Variants in ATOX1 observed in about 807,000 individuals in gnomAD.
The protein encoded by ATOX1 is copper transport protein ATOX1.
ATOX1 carries 4 observed loss-of-function variants against 7.3 expected under a neutral mutation model. The ratio of observed to expected loss-of-function variants is 0.55; its 90% CI spans 0.27 to 1.25. The LOEUF is 1.25. Ranked by LOEUF, ATOX1 falls within the 50% of genes most tolerant of loss-of-function variation. The probability of loss-of-function intolerance (pLI) is 0.12; values close to 1 mark genes in which losing one functional copy is unlikely to be tolerated. For synonymous variants in ATOX1, 25 were observed against 28.7 expected (o/e 0.87, Z 0.41); for missense variants, 68 against 81.6 (o/e 0.83, Z 0.64).
At chr5:151,743,818 A>C (rs1324968938) in intron 3 of ATOX1, 1 of 152,196 alleles carries the variant, frequency 6.6e-6, no homozygotes, top group East Asian at 1.9e-4. Flanking sequence ...CTTTTATCAA[A>C]AAATAACAGG....
chr5:151,746,894 T>G (rs1041636409), intron 2 of ATOX1, among the ~76,000 whole-genome samples: 1 of 151,972 alleles, frequency 6.6e-6, no homozygotes, highest in African/African-American at 2.4e-5. Context: ...CCACCACACC[T>G]GGTTAATTTT....
At chr5:151,755,259 T>C (rs1301026445) in intron 1 of ATOX1, among the ~76,000 whole-genome samples, 3 of 152,224 alleles carry the variant, frequency 2.0e-5, no homozygotes, top group Non-Finnish European at 2.9e-5. Flanking sequence ...CTAAATCTAC[T>C]GATTGTCTAT....
At chr5:151,747,277 A>T (rs1761889490) in intron 2 of ATOX1, among the ~76,000 whole-genome samples, 1 of 151,746 alleles carries the variant, frequency 6.6e-6, no homozygotes, top group Non-Finnish European at 1.5e-5. Context: ...CTCTTTATTT[A>T]TTCATTTTTA....
chr5:151,748,039 C>G (rs1015844558), intron 2 of ATOX1, among the ~76,000 whole-genome samples: 10 of 152,164 alleles, frequency 6.6e-5, no homozygotes, highest in South Asian at 4.1e-4. Context: ...TGTCTTAAAA[C>G]ACTTATAAAA....
intron 2 of ATOX1, among the ~76,000 whole-genome samples, chr5:151,750,815 T>G (rs1007661694): frequency 3.3e-5 from 5 of 151,688 alleles, no homozygotes; most frequent in African/African-American, 1.2e-4. Context: ...GCCTGGCTAA[T>G]TTTTTTGGTA....
At position 151,746,374 on chromosome 5, in the gene ATOX1, G is replaced by A. The variant is rs1429148787; in HGVS notation, c.158C>T (p.Ala53Val). 6.2e-7 allele frequency: 1 copy of A among 1,613,828 alleles called. No homozygotes were observed. Among genetic ancestry groups the A allele is most frequent in the Non-Finnish European group, 8.5e-7 (1 of 1,179,860 alleles). ...AGTCTTTCCTGTTTTCTTCAGGGTT[G>A]CAAGCAGAGTGTCCATGCTGTGCTC... ...ESEHSMDTLL[A>V]TLKKTGKTVS... The change falls in exon 3 of 4, where the codon GCA (alanine) becomes GTA (valine). Residue 53 changes from alanine (A) to valine (V), a missense_variant. Physicochemically the swap from Ala to Val is moderately conservative, Grantham distance 64 (BLOSUM62 0). Transcript: ENST00000313115.
At position 151,746,349 on chromosome 5, in the gene ATOX1, A is replaced by G. The variant is rs750690605; in HGVS notation, c.183T>C (p.Thr61=). The G allele has an allele frequency of 1.2e-5, 20 of 1,613,834 alleles. No individual in the cohort carries two copies. The East Asian group carries it at 4.2e-4, about 34-fold the overall frequency. Residue 61 remains threonine, a synonymous_variant, in exon 3 of 4, where the codon ACT becomes ACC. Coordinates refer to ENST00000313115, the MANE Select transcript of ATOX1 (RefSeq NM_004045.4). ...GCTACTCAAGGCCAAGGTAGGAAAC[A>G]GTCTTTCCTGTTTTCTTCAGGGTTG... The part of the protein sequence containing the change: ...LLATLKKTGK[T]VSYLGLE
intron 2 of ATOX1, among the ~76,000 whole-genome samples, chr5:151,748,073 A>G (rs1416373677): frequency 1.3e-5 from 2 of 152,234 alleles, no homozygotes; most frequent in Non-Finnish European, 2.9e-5. Context: ...ATGAATTCAC[A>G]GAATGGAAAT....
intron 3 of ATOX1, 66 bp downstream of exon 3, chr5:151,746,213 A>C (rs1761876753): frequency 7.0e-7 from 1 of 1,437,210 alleles, no homozygotes; most frequent in African/African-American, 1.4e-5. Context: ...TCAAAGGCCA[A>C]GGTGTTCGCT....
intron 1 of ATOX1, chr5:151,752,542 G>C (rs1484509171): frequency 3.4e-6 from 2 of 596,734 alleles, no homozygotes; most frequent in African/African-American, 1.9e-5. Flanking sequence ...CTAATACTTG[G>C]AACAGTGCCT....
intron 1 of ATOX1, among the ~76,000 whole-genome samples, chr5:151,757,368 C>T (rs755945755): frequency 4.6e-5 from 7 of 152,212 alleles, no homozygotes; most frequent in Non-Finnish European, 1.0e-4. Flanking sequence ...CTGTCTTCTA[C>T]CATTGCCACA....
intron 3 of ATOX1, chr5:151,743,567 G>T (rs1001591821): frequency 2.6e-5 from 4 of 152,178 alleles, no homozygotes; most frequent in African/African-American, 7.2e-5. Flanking sequence ...ACTGAAATAT[G>T]TACAGGTAAG....
intron 1 of ATOX1, among the ~76,000 whole-genome samples, chr5:151,756,808 G>A (rs1433383611): frequency 6.6e-6 from 1 of 152,072 alleles, no homozygotes; most frequent in East Asian, 1.9e-4. Context: ...CCTGTCCTAC[G>A]TCTACACAGG....
intron 2 of ATOX1, among the ~76,000 whole-genome samples, chr5:151,747,886 G>A (rs890855304): frequency 1.3e-5 from 2 of 152,216 alleles, no homozygotes; most frequent in Non-Finnish European, 2.9e-5. Context: ...ACAGTGCCCG[G>A]CCCTATTCTT....
At chr5:151,755,834 T>C (rs1275075382) in intron 1 of ATOX1, among the ~76,000 whole-genome samples, 1 of 152,174 alleles carries the variant, frequency 6.6e-6, no homozygotes, top group Non-Finnish European at 1.5e-5. Flanking sequence ...GTAGTTCTGG[T>C]TCCTCATGGC....
intron 2 of ATOX1, among the ~76,000 whole-genome samples, chr5:151,748,056 T>C (rs1279271376): frequency 1.3e-5 from 2 of 152,214 alleles, no homozygotes; most frequent in Admixed American, 6.5e-5. Context: ...AAAAATATTG[T>C]TATACCATGA....
At chr5:151,754,016 A>G (rs891142042) in intron 1 of ATOX1, 14 of 152,238 alleles carry the variant, frequency 9.2e-5, no homozygotes, top group Non-Finnish European at 4.4e-5. Flanking sequence ...TGTCTTAAAG[A>G]AAATGGTCAG....
At chr5:151,752,608 G>T (rs1447364880) in intron 1 of ATOX1, among the ~76,000 whole-genome samples, 1 of 152,080 alleles carries the variant, frequency 6.6e-6, no homozygotes, top group Non-Finnish European at 1.5e-5. Context: ...TGACATGGCT[G>T]GTTTGAACTT....
intron 2 of ATOX1, among the ~76,000 whole-genome samples, chr5:151,748,371 G>C (rs1761903659): frequency 6.6e-6 from 1 of 152,134 alleles, no homozygotes; most frequent in African/African-American, 2.4e-5. Context: ...GGGCTGGCCA[G>C]CTCCTGTGGC....
Sources: gnomAD v4.1 joint callset for allele counts (sites outside exome capture counted in the v4.1 genomes callset) on GRCh38, gnomAD v4.1.1 for gene constraint, MANE v1.5 for transcripts, NCBI Gene and HGNC (gene_info 2026-07-23, HGNC 2026-07-21) for gene names.